Variants in CADM2 observed in about 807,000 individuals in gnomAD.
CADM2 encodes the protein immunoglobulin superfamily member 4D.
Under a neutral mutation model 49.8 loss-of-function variants are expected in CADM2, and 12 were observed. The ratio of observed to expected loss-of-function variants is 0.24; its 90% CI spans 0.15 to 0.39. The LOEUF (loss-of-function observed/expected upper bound fraction) is 0.39. Ranked by LOEUF, CADM2 falls within the 10% of genes least tolerant of loss-of-function variation. CADM2 has a pLI of 1.00. For synonymous variants in CADM2, 214 were observed against 175.4 expected, an observed-to-expected ratio of 1.22 and a Z score of -1.74; for missense variants, 378 against 492.3, an observed-to-expected ratio of 0.77 and a Z score of 2.20.
chr3:85,505,236 C>G (rs986979744), intron 1 of CADM2, among the ~76,000 whole-genome samples: 2 of 152,240 alleles, frequency 1.3e-5, no homozygotes, highest in Admixed American at 1.3e-4. Context: ...GCTGTCACCT[C>G]TCAATATCAC....
intron 1 of CADM2, among the ~76,000 whole-genome samples, chr3:85,425,087 G>T (rs1296668358): frequency 5.3e-5 from 8 of 152,094 alleles, no homozygotes; most frequent in Admixed American, 2.6e-4. Context: ...CGATATAAAT[G>T]AAAGAGGTCA....
chr3:86,060,818 C>T (rs1321452661), intron 8 of CADM2, among the ~76,000 whole-genome samples: 1 of 152,002 alleles, frequency 6.6e-6, no homozygotes, highest in African/African-American at 2.4e-5. Flanking sequence ...CTCATCTCTA[C>T]TGAAAATACA....
intron 1 of CADM2, among the ~76,000 whole-genome samples, chr3:85,374,556 C>G (rs1295495818): frequency 6.6e-6 from 1 of 152,074 alleles, no homozygotes; most frequent in African/African-American, 2.4e-5. Flanking sequence ...CTACCGGTAA[C>G]AATTTACTGT....
chr3:85,915,620 T>A (rs1328672791), intron 6 of CADM2, among the ~76,000 whole-genome samples: 1 of 152,116 alleles, frequency 6.6e-6, no homozygotes, highest in Non-Finnish European at 1.5e-5. Flanking sequence ...ATGGCTGCAC[T>A]TAGATCCACA....
chr3:85,412,846 T>C (rs1000589458), intron 1 of CADM2, among the ~76,000 whole-genome samples: 1 of 152,102 alleles, frequency 6.6e-6, no homozygotes, highest in Non-Finnish European at 1.5e-5. Context: ...AGGACAGTTA[T>C]GAATTTTCCT....
chr3:85,960,283 A>G (rs574612069), intron 7 of CADM2, among the ~76,000 whole-genome samples: 2 of 151,964 alleles, frequency 1.3e-5, no homozygotes, highest in African/African-American at 2.4e-5. Context: ...ACCCATAGAC[A>G]TCACTTACTC....
rs56786425 is a variant in CADM2, at chr3:85,741,335, G to GAAA, written c.88+14795_88+14797dup. On this transcript the variant is annotated intron_variant, in intron 2 of 9. Coordinates refer to ENST00000383699, the MANE Select transcript of CADM2 (RefSeq NM_001167675.2). ...TTTGATGATTTATTTCCCCTCAAGA[G>GAAA]AAAAAAAAAATACAATGACATGTTA... Among the ~76,000 whole-genome samples the GAAA allele has an allele frequency of 1.5e-3, 218 of 149,056 alleles. 1 individual carries two copies. Among genetic ancestry groups the GAAA allele is most frequent in the African/African-American group, 4.8e-3 (196 of 40,752 alleles).
intron 1 of CADM2, among the ~76,000 whole-genome samples, chr3:85,560,417 G>A (rs1472638704): frequency 6.6e-6 from 1 of 152,180 alleles, no homozygotes; most frequent in East Asian, 1.9e-4. Flanking sequence ...AAACATAGAG[G>A]AAAGAAAGAA....
At chr3:85,810,368 T>A (rs2072776794) in intron 3 of CADM2, among the ~76,000 whole-genome samples, 1 of 152,092 alleles carries the variant, frequency 6.6e-6, no homozygotes, top group African/African-American at 2.4e-5. Flanking sequence ...GAGTATAGCA[T>A]ATCATGCATA....
chr3:85,121,585 C>A (rs2038865533), intron 1 of CADM2, among the ~76,000 whole-genome samples: 1 of 152,096 alleles, frequency 6.6e-6, no homozygotes, highest in South Asian at 2.1e-4. Context: ...CCATAGATGA[C>A]CTAAGCTATG....
intron 2 of CADM2, among the ~76,000 whole-genome samples, chr3:85,766,845 AT>A (rs1175857954): frequency 6.6e-6 from 1 of 152,076 alleles, no homozygotes. Flanking sequence ...TTCTGTTTCT[AT>A]TTCATTCAAC....
In CADM2 at chr3:86,068,805, G is replaced by C. The variant is rs1345132959; in HGVS notation, c.*2022G>C. 2.0e-5 allele frequency: 3 copies of C among 152,256 alleles called. No homozygotes were observed. Among genetic ancestry groups the C allele is most frequent in the African/African-American group, 7.2e-5 (3 of 41,386 alleles). The allele number at this position is 152,256 out of a possible 1,614,324, so 9.4% of individuals were successfully genotyped here. On this transcript the variant is annotated 3_prime_UTR_variant, in exon 10 of 10. Coordinates refer to ENST00000383699, the MANE Select transcript of CADM2 (RefSeq NM_001167675.2). ...ACAGTATGACATTTTAAGGAAATAAGTCTGCATTGATGTGATTGCATGCTT... is the reference window on the plus strand; with the variant it reads ...ACAGTATGACATTTTAAGGAAATAACTCTGCATTGATGTGATTGCATGCTT...
intron 3 of CADM2, among the ~76,000 whole-genome samples, chr3:85,853,755 G>T (rs976904175): frequency 2.0e-5 from 3 of 151,420 alleles, no homozygotes; most frequent in African/African-American, 7.3e-5. Flanking sequence ...CTCTTTAATA[G>T]AAAATTTAAA....
chr3:85,696,015 T>C (rs1193822260), intron 1 of CADM2, among the ~76,000 whole-genome samples: 1 of 152,168 alleles, frequency 6.6e-6, no homozygotes, highest in African/African-American at 2.4e-5. Context: ...ATTTCCCTGA[T>C]GATTAGCAAT....
chr3:85,344,754 A>C (rs965310864), intron 1 of CADM2, among the ~76,000 whole-genome samples: 2 of 152,066 alleles, frequency 1.3e-5, no homozygotes, highest in Non-Finnish European at 2.9e-5. Flanking sequence ...TTGAATGTGC[A>C]TTTGTACATT....
At chr3:85,613,845 A>G (rs75841447) in intron 1 of CADM2, among the ~76,000 whole-genome samples, 6 of 151,844 alleles carry the variant, frequency 4.0e-5, no homozygotes, top group African/African-American at 1.2e-4. Context: ...CTGACAGGCC[A>G]GGGTTCAAAT....
chr3:85,353,567 G>A (rs1175639253), intron 1 of CADM2, among the ~76,000 whole-genome samples: 1 of 145,712 alleles, frequency 6.9e-6, no homozygotes, highest in African/African-American at 2.5e-5. Flanking sequence ...TTTTTGCAGT[G>A]AGTTATTTTA....
intron 8 of CADM2, among the ~76,000 whole-genome samples, chr3:85,973,401 C>A (rs981002534): frequency 6.6e-6 from 1 of 151,618 alleles, no homozygotes; most frequent in South Asian, 2.1e-4. Context: ...ACAAAAAGCA[C>A]CTACCACATT....
chr3:85,793,686 T>C (rs1385188319), intron 2 of CADM2, among the ~76,000 whole-genome samples: 1 of 152,190 alleles, frequency 6.6e-6, no homozygotes, highest in Admixed American at 6.5e-5. Context: ...CTCCAGCACA[T>C]TAAGCTTTTA....
Sources: gnomAD v4.1 joint callset for allele counts (sites outside exome capture counted in the v4.1 genomes callset) on GRCh38, gnomAD v4.1.1 for gene constraint, MANE v1.5 for transcripts, NCBI Gene and HGNC (gene_info 2026-07-23, HGNC 2026-07-21) for gene names.